Variants in UMODL1 observed in about 807,000 individuals in gnomAD.
UMODL1 encodes uromodulin-like 1.
UMODL1 carries 128 observed loss-of-function variants against 136.3 expected under a neutral mutation model. The ratio of observed to expected loss-of-function variants is 0.94; its 90% CI spans 0.81 to 1.09. UMODL1 has a LOEUF of 1.09. Among genes scored for constraint, UMODL1 ranks in the 50% least tolerant of loss-of-function variants. The pLI, the probability that UMODL1 is intolerant of heterozygous loss-of-function variation, is 0.00. For synonymous variants in UMODL1, 721 were observed against 720.0 expected (o/e 1.00, Z -0.02); for missense variants, 1,766 against 1,725.6 (o/e 1.02, Z -0.41).
At position 42,110,951 on chromosome 21, in the gene UMODL1, G is replaced by A. The variant is rs748941746; in HGVS notation, c.1729G>A (p.Gly577Arg). 35 of 1,613,030 alleles carry A rather than the reference G, an allele frequency of 2.2e-5. No homozygotes were observed. The highest frequency in any genetic ancestry group is 3.0e-5 in the Non-Finnish European group (35 of 1,179,816). Residue 577 changes from glycine to arginine, a missense_variant, in exon 11 of 23, where the codon GGA becomes AGA. Coordinates refer to ENST00000408910, the MANE Select transcript of UMODL1 (RefSeq NM_001004416.3). ...TGVTVPGLGT[G>R]TAALGLENFT... ...GGTAACGGTCCCAGGTCTTGGCACG[G>A]GAACAGCAGCCCTCGGCCTAGAGAA...
intron 1 of UMODL1, among the ~76,000 whole-genome samples, chr21:42,075,789 A>G (rs2066283140): frequency 6.6e-6 from 1 of 152,210 alleles, no homozygotes; most frequent in Admixed American, 6.5e-5. Flanking sequence ...GGCTACGTTT[A>G]TGCTTTATTC....
intron 15 of UMODL1, 112 bp downstream of exon 15, chr21:42,119,436 C>T: frequency 1.1e-6 from 1 of 915,722 alleles, no homozygotes; most frequent in Non-Finnish European, 1.7e-6. Flanking sequence ...TGTGGTCCTT[C>T]TTCCCCCAGA....
At chr21:42,115,395 A>G (rs1234352492) in intron 13 of UMODL1, among the ~76,000 whole-genome samples, 25 of 152,264 alleles carry the variant, frequency 1.6e-4, no homozygotes, top group Admixed American at 1.6e-3. Context: ...GACTGGCTCC[A>G]AACAAGACCC....
chr21:42,111,116 C>T lies in UMODL1; in HGVS notation c.1894C>T (p.Gln632Ter), dbSNP rs2066817664. 2 of 1,608,642 alleles carry T rather than the reference C, an allele frequency of 1.2e-6. No homozygotes were observed. The highest frequency in any genetic ancestry group is 2.7e-5 in the African/African-American group (2 of 74,884). The change falls in exon 11 of 23, where the codon CAG (glutamine) becomes TAG (stop). Residue 632 changes from glutamine to a stop codon, truncating the protein, a stop_gained. Transcript: ENST00000408910. LOFTEE classifies it high-confidence loss of function. ...DRNNTGKGVE[Q>*]ELQGNSIMEP... ...GAACAACACAGGAAAAGGCGTGGAG[C>T]AGGAGGTGCCCAGCACTGCCCCGGG... is the stretch of plus-strand genomic sequence containing the variant.
chr21:42,136,719 CT>C (rs1555935130), intron 21 of UMODL1, among the ~76,000 whole-genome samples: 1 of 130,216 alleles, frequency 7.7e-6, no homozygotes, highest in African/African-American at 2.6e-5. Context: ...CTCTGTTTTT[CT>C]TTTTTTTTGT....
rs529781498 is a variant in UMODL1, at chr21:42,116,717, TG to T, written c.2475+733del. Among the ~76,000 whole-genome samples, 254 of 152,242 alleles carry T rather than the reference TG, an allele frequency of 1.7e-3. 1 individual carries two copies. The highest frequency in any genetic ancestry group is 5.7e-3 in the African/African-American group (238 of 41,546). On this transcript the variant is annotated intron_variant, in intron 14 of 22. Transcript: ENST00000408910. ...AGTGGTTTAGACTATTTTGCAAAAT[TG>T]TGCAACCATCACTACTAATTCCAGA...
In UMODL1 at chr21:42,085,350, T is replaced by A; in HGVS notation, c.541T>A (p.Phe181Ile). Residue 181 changes from phenylalanine (F) to isoleucine (I), a missense_variant, in exon 4 of 23, where the codon TTC becomes ATC. Phe to Ile is a conservative substitution (Grantham distance 21, BLOSUM62 0). Transcript: ENST00000408910. The surrounding 1 kb of genome is among the most constrained non-coding windows in gnomAD (Gnocchi z 4.5). ...CGTCACCATACTGGTGAAAATGGAC[T>A]TCAAGGAACTCCAGCAAGTGGACCC... ...YNVTILVKMDFKELQQVDPRL... is the reference protein window; with the variant it reads ...YNVTILVKMDIKELQQVDPRL... 1.2e-6 allele frequency: 2 copies of A among 1,614,074 alleles called. No individual in the cohort carries two copies. The highest frequency in any genetic ancestry group is 1.7e-6 in the Non-Finnish European group (2 of 1,179,978).
chr21:42,135,691 G>A (rs867634394), intron 21 of UMODL1, among the ~76,000 whole-genome samples: 3 of 152,198 alleles, frequency 2.0e-5, no homozygotes, highest in East Asian at 1.9e-4. Context: ...GGAAGTGGCC[G>A]GCCGGGATCT....
chr21:42,108,221 C>T, intron 9 of UMODL1: 1 of 465,078 alleles, frequency 2.2e-6, no homozygotes, highest in Non-Finnish European at 4.5e-6. Flanking sequence ...CCTGGTGCCT[C>T]TGCTGTCCTC....
chr21:42,072,723 A>G (rs1206608910), intron 1 of UMODL1, among the ~76,000 whole-genome samples: 1 of 152,232 alleles, frequency 6.6e-6, no homozygotes. Flanking sequence ...CATGGGCGCA[A>G]TCATGCAACA....
At position 42,111,583 on chromosome 21, in the gene UMODL1, T is replaced by G; in HGVS notation, c.1977T>G (p.His659Gln). The change falls in exon 12 of 23, where the codon CAT (histidine) becomes CAG (glutamine). Residue 659 changes from histidine to glutamine, a missense_variant. Transcript: ENST00000408910. ...TEDPTGHFLWHATRSTRETLL... is the reference protein window; with the variant it reads ...TEDPTGHFLWQATRSTRETLL... ...ACCCCACCGGCCACTTCCTGTGGCA[T>G]GCCACCCGTTCCACCCGGGAAACAC... is the stretch of plus-strand genomic sequence containing the variant. 1 of 1,614,144 alleles carries G rather than the reference T, an allele frequency of 6.2e-7. No homozygotes were observed. The highest frequency in any genetic ancestry group is 2.2e-5 in the East Asian group (1 of 44,876).
intron 14 of UMODL1, 35 bp from the exon 15 acceptor site, chr21:42,119,076 G>T (rs373591471): frequency 1.2e-6 from 2 of 1,600,618 alleles, no homozygotes; most frequent in Non-Finnish European, 1.7e-6. Context: ...TCCTCTCAGC[G>T]TGGGGACCTC....
intron 6 of UMODL1, among the ~76,000 whole-genome samples, chr21:42,095,489 T>TG (rs2066547309): frequency 1.9e-5 from 1 of 53,886 alleles, no homozygotes; most frequent in Non-Finnish European, 4.2e-5. Context: ...TGTGTATAAA[T>TG]CCCCCCGATT....
chr21:42,073,019 T>TGCGC (rs59174634), intron 1 of UMODL1, among the ~76,000 whole-genome samples: 1 of 117,698 alleles, frequency 8.5e-6, no homozygotes, highest in Admixed American at 8.8e-5. Context: ...TGTGTGTGTG[T>TGCGC]GTGCGCGCGC....
At chr21:42,083,472 T>A (rs2066386608) in intron 2 of UMODL1, among the ~76,000 whole-genome samples, 1 of 152,224 alleles carries the variant, frequency 6.6e-6, no homozygotes, top group Non-Finnish European at 1.5e-5. Context: ...ACACCAGGCC[T>A]GTACCTCGCC....
chr21:42,114,019 G>GA (rs1239201689), intron 13 of UMODL1, among the ~76,000 whole-genome samples, 189 bp downstream of exon 13: 2 of 152,240 alleles, frequency 1.3e-5, no homozygotes, highest in Non-Finnish European at 1.5e-5. Context: ...GCTTATTCAG[G>GA]AAAAGGCATT....
intron 21 of UMODL1, among the ~76,000 whole-genome samples, chr21:42,135,192 C>T (rs112923500): frequency 7.2e-5 from 11 of 152,378 alleles, no homozygotes; most frequent in African/African-American, 1.9e-4. Context: ...TCATGCCACA[C>T]GCATGGAGCC....
chr21:42,090,081 G>A (rs1013467013), intron 5 of UMODL1, among the ~76,000 whole-genome samples: 8 of 152,188 alleles, frequency 5.3e-5, no homozygotes, highest in East Asian at 1.9e-4. Flanking sequence ...CTGCCTGAAC[G>A]TGGGCTGCTG....
At chr21:42,124,331 G>T (rs1242383041) in intron 17 of UMODL1, among the ~76,000 whole-genome samples, 1 of 152,198 alleles carries the variant, frequency 6.6e-6, no homozygotes, top group African/African-American at 2.4e-5. Context: ...GCCTGGAGGG[G>T]CCGGCGGCTT....
Sources: gnomAD v4.1 joint callset for allele counts (sites outside exome capture counted in the v4.1 genomes callset) on GRCh38, gnomAD v4.1.1 for gene constraint, Gnocchi (gnomAD v3.1) non-coding constraint, MANE v1.5 for transcripts, NCBI Gene and HGNC (gene_info 2026-07-23, HGNC 2026-07-21) for gene names.